ZIM2: variants seen among roughly 807,000 people sequenced by gnomAD.
ZIM2 encodes the protein zinc finger protein 656.
In ZIM2, 14 loss-of-function variants were observed where a neutral mutation model predicts 38.6. The observed-to-expected ratio is 0.36, with a 90% CI of 0.24 to 0.57. The LOEUF (loss-of-function observed/expected upper bound fraction) is 0.57, where lower values mean the gene tolerates loss of function less well. ZIM2 is among the 20% of genes least tolerant of loss of function. The probability of loss-of-function intolerance (pLI) is 0.81; values close to 1 mark genes in which losing one functional copy is unlikely to be tolerated. For missense variants in ZIM2, 680 were observed against 695.1 expected, an observed-to-expected ratio of 0.98 and a Z score of 0.24; for synonymous variants, 247 against 245.8, an observed-to-expected ratio of 1.00 and a Z score of -0.04.
rs201606232 is a variant in ZIM2 at position 56,814,665 on chromosome 19, A to G, written c.490+3081T>C. 3.9e-5 allele frequency: 63 copies of G among 1,614,116 alleles called. 1 individual carries two copies. Among genetic ancestry groups the G allele is most frequent in the Non-Finnish European group, 2.5e-6 (3 of 1,180,006 alleles). ...CTAAGCCTGGAATGATAGCTTCCTC[A>G]GCCATCTGGCTCTGCTCCAGTAAAT... On this transcript the variant is annotated intron_variant, in intron 9 of 12. Coordinates refer to ENST00000629319, the MANE Select transcript of ZIM2 (RefSeq NM_001387356.1). The surrounding 1 kb of genome is among the most constrained non-coding windows in gnomAD (Gnocchi z 5.8).
chr19:56,815,935 T>G (rs2146184323), intron 9 of ZIM2: 1 of 1,605,294 alleles, frequency 6.2e-7, no homozygotes. Context: ...CACTAAGCTA[T>G]GGATAACAGA....
intron 9 of ZIM2, among the ~76,000 whole-genome samples, chr19:56,807,487 A>G (rs2047813881): frequency 6.6e-6 from 1 of 152,204 alleles, no homozygotes; most frequent in Non-Finnish European, 1.5e-5. Flanking sequence ...ATGGTCATCA[A>G]TATCTCTGAC....
At chr19:56,784,477 CATG>C (rs1457720620) in intron 10 of ZIM2, among the ~76,000 whole-genome samples, 1 of 152,124 alleles carries the variant, frequency 6.6e-6, no homozygotes, top group African/African-American at 2.4e-5. Context: ...TATGGTAGGT[CATG>C]ATTTCTCAGT....
intron 9 of ZIM2, among the ~76,000 whole-genome samples, chr19:56,802,698 C>T (rs1454882304): frequency 2.6e-5 from 4 of 152,178 alleles, no homozygotes; most frequent in Admixed American, 6.5e-5. Context: ...TTTCAAATGG[C>T]AGGATCCTCA....
At chr19:56,810,242 C>T in intron 9 of ZIM2, 1 of 983,392 alleles carries the variant, frequency 1.0e-6, no homozygotes, top group Non-Finnish European at 1.2e-6. Context: ...AGTTTCTCTT[C>T]TACATTTCTG....
In ZIM2 at chr19:56,814,755, C is replaced by T. The variant is rs766154554; in HGVS notation, c.490+2991G>A. 4.3e-6 allele frequency: 7 copies of T among 1,614,164 alleles called. No homozygotes were observed. Among genetic ancestry groups the T allele is most frequent in the Non-Finnish European group, 5.9e-6 (7 of 1,180,040 alleles). On this transcript the variant is annotated intron_variant, in intron 9 of 12. Coordinates refer to ENST00000629319, the MANE Select transcript of ZIM2 (RefSeq NM_001387356.1). The surrounding 1 kb of genome is among the most constrained non-coding windows in gnomAD (Gnocchi z 5.8). Reference sequence around the variant, plus strand: ...AGCTATGAATGAAGCCTTGTCCACACAAAAGGCATCGAATGGCCGACCCAG... The same window carrying T: ...AGCTATGAATGAAGCCTTGTCCACATAAAAGGCATCGAATGGCCGACCCAG...
chr19:56,790,105 A>G (rs750035384), intron 9 of ZIM2, 154 bp from the exon 10 acceptor site: 1 of 485,462 alleles, frequency 2.1e-6, no homozygotes, highest in Non-Finnish European at 3.4e-6. Context: ...TCATTTCTCA[A>G]CTCAAAATAA....
chr19:56,804,652 C>A (rs1473870376), intron 9 of ZIM2, among the ~76,000 whole-genome samples: 1 of 152,082 alleles, frequency 6.6e-6, no homozygotes, highest in Non-Finnish European at 1.5e-5. Flanking sequence ...CTAACTTGTC[C>A]CACTCAGTAT....
At position 56,777,592 on chromosome 19, in the gene ZIM2, A is replaced by G. The variant is rs115847378; in HGVS notation, c.835+1785T>C. ...CCCAGTGATGATGGAAATGGTCTAC[A>G]TTTTTGCTGTCCAGCACAGTAGCCA... On this transcript the variant is annotated intron_variant, in intron 12 of 12. Coordinates refer to ENST00000629319, the MANE Select transcript of ZIM2 (RefSeq NM_001387356.1). 7.0e-3 allele frequency among the ~76,000 whole-genome samples: 1,059 copies of G among 152,272 alleles called. 11 individuals are homozygous for G. The highest frequency in any genetic ancestry group is 0.024 in the African/African-American group (985 of 41,544).
At chr19:56,819,893 A>C (rs1011972932) in intron 7 of ZIM2, among the ~76,000 whole-genome samples, 2 of 152,214 alleles carry the variant, frequency 1.3e-5, no homozygotes, top group African/African-American at 4.8e-5. Context: ...AAAGACAAAG[A>C]GGTACGGGTA....
chr19:56,787,388 A>T (rs1424664600), intron 10 of ZIM2, among the ~76,000 whole-genome samples: 3 of 149,446 alleles, frequency 2.0e-5, no homozygotes, highest in Non-Finnish European at 4.5e-5. Context: ...TGAGTCTCCC[A>T]CCTCAGCCTC....
At chr19:56,826,615 T>C (rs1304769538) in intron 2 of ZIM2, among the ~76,000 whole-genome samples, 152 bp from the exon 3 acceptor site, 1 of 152,208 alleles carries the variant, frequency 6.6e-6, no homozygotes, top group Non-Finnish European at 1.5e-5. Context: ...ATTCCCATGC[T>C]ATATAAACCA....
At chr19:56,779,582 G>T in intron 11 of ZIM2, 110 bp from the exon 12 acceptor site, 2 of 1,020,356 alleles carry the variant, frequency 2.0e-6, no homozygotes, top group Non-Finnish European at 1.5e-6. Context: ...GTAAAATGAA[G>T]CCTGTTTCCA....
chr19:56,780,175 T>C (rs563333780), intron 11 of ZIM2, among the ~76,000 whole-genome samples: 1 of 152,278 alleles, frequency 6.6e-6, no homozygotes, highest in Non-Finnish European at 1.5e-5. Flanking sequence ...ATAGTCATAT[T>C]CAGTATTTAT....
chr19:56,800,145 A>C (rs1238609731), intron 9 of ZIM2, among the ~76,000 whole-genome samples: 1 of 152,208 alleles, frequency 6.6e-6, no homozygotes, highest in Non-Finnish European at 1.5e-5. Flanking sequence ...AAACTCATTG[A>C]ATAATATCCT....
At chr19:56,821,856 T>A (rs2060521714) in intron 6 of ZIM2, 102 bp from the exon 7 acceptor site, 2 of 1,220,730 alleles carry the variant, frequency 1.6e-6, no homozygotes, top group Middle Eastern at 2.6e-4. Context: ...TGTGAGTGTA[T>A]GAGAGCAAGT....
chr19:56,839,487 T>C (rs1161294647), intron 1 of ZIM2, among the ~76,000 whole-genome samples: 2 of 150,766 alleles, frequency 1.3e-5, no homozygotes, highest in Non-Finnish European at 2.9e-5. Context: ...CCGCCCCATA[T>C]GCCACCAACC....
At chr19:56,783,508 C>T (rs1031027425) in intron 10 of ZIM2, among the ~76,000 whole-genome samples, 2 of 151,534 alleles carry the variant, frequency 1.3e-5, no homozygotes, top group Non-Finnish European at 3.0e-5. Flanking sequence ...TCTGCAGCAA[C>T]CGGAATGCAA....
chr19:56,839,095 C>T (rs11667883), intron 1 of ZIM2, among the ~76,000 whole-genome samples: 26,364 of 151,536 alleles, frequency 0.17, 2,844 homozygotes, highest in Non-Finnish European at 0.24. Flanking sequence ...ACTAGGACAG[C>T]GCCTGCGCAG....
Sources: gnomAD v4.1 joint callset for allele counts (sites outside exome capture counted in the v4.1 genomes callset) on GRCh38, gnomAD v4.1.1 for gene constraint, Gnocchi (gnomAD v3.1) non-coding constraint, MANE v1.5 for transcripts, NCBI Gene and HGNC (gene_info 2026-07-23, HGNC 2026-07-21) for gene names.